The following CACNB2 variants were observed in gnomAD, a reference collection of about 807,000 sequenced individuals.
CACNB2 encodes the protein calcium voltage-gated channel auxiliary subunit beta 2.
CACNB2 carries 42 observed loss-of-function variants against 73.3 expected under a neutral mutation model. The observed-to-expected ratio is 0.57, with a 90% CI of 0.45 to 0.74. CACNB2 has a LOEUF of 0.74. CACNB2 is among the 30% of genes least tolerant of loss of function. The pLI is 0.00. For missense variants in CACNB2, 940 were observed against 853.0 expected (o/e 1.10, Z -1.27); for synonymous variants, 348 against 310.3 (o/e 1.12, Z -1.28).
At chr10:18,385,703 T>C (rs917670805) in intron 2 of CACNB2, among the ~76,000 whole-genome samples, 1 of 151,914 alleles carries the variant, frequency 6.6e-6, no homozygotes, top group African/African-American at 2.4e-5. Context: ...CTACCAATGA[T>C]AGAAAAATAC....
chr10:18,260,746 G>A lies in CACNB2; in HGVS notation c.213+109771G>A, dbSNP rs144163671. On this transcript the variant is annotated intron_variant, in intron 2 of 13. Transcript: ENST00000324631. Reference sequence around the variant, plus strand: ...TGCATTGTGAAGAAGGCAATCATAGGCGAGCAGCCGCGGGAGCAGGAACAG... The same window carrying A: ...TGCATTGTGAAGAAGGCAATCATAGACGAGCAGCCGCGGGAGCAGGAACAG... 4 of 1,000,728 alleles carry A rather than the reference G, an allele frequency of 4.0e-6. No individual in the cohort carries two copies. In the East Asian group the frequency reaches 4.0e-4, roughly 101 times the overall value. The allele number at this position is 1,000,728 out of a possible 1,614,324, so 62.0% of individuals were successfully genotyped here.
intron 6 of CACNB2, among the ~76,000 whole-genome samples, chr10:18,512,764 G>A (rs1395216066): frequency 2.0e-5 from 3 of 152,166 alleles, no homozygotes; most frequent in Non-Finnish European, 4.4e-5. Context: ...TCTGCATCCT[G>A]CTGGTTGTGG....
At position 18,539,728 on chromosome 10, in the gene CACNB2, T is replaced by G; in HGVS notation, c.*4T>G. 1 of 1,581,422 alleles carries G rather than the reference T, an allele frequency of 6.3e-7. No individual in the cohort carries two copies. The highest frequency in any genetic ancestry group is 8.5e-7 in the Non-Finnish European group (1 of 1,172,508). On this transcript the variant is annotated 3_prime_UTR_variant, in exon 14 of 14. Coordinates refer to ENST00000324631, the MANE Select transcript of CACNB2 (RefSeq NM_201596.3). ...GGATGTTTACATCCGCCAATGAGTT[T>G]TGCCCGTTTGTGTTTTTTTTTTTTT...
At position 18,539,879 on chromosome 10, in the gene CACNB2, G is replaced by T. The variant is rs111608428; in HGVS notation, c.*155G>T. ...GCTGTTGCTTGAATAGCAATAGCAT[G>T]GATAGAGTATTGAGATACTTTTTCT... On this transcript the variant is annotated 3_prime_UTR_variant, in exon 14 of 14. Transcript: ENST00000324631. The T allele has an allele frequency of 2.5e-5, 20 of 806,386 alleles. 1 individual carries two copies. Among genetic ancestry groups the T allele is most frequent in the African/African-American group, 1.4e-4 (8 of 58,148 alleles). 50.0% of individuals were successfully genotyped at this position (806,386 alleles called of 1,614,324 possible).
intron 2 of CACNB2, among the ~76,000 whole-genome samples, chr10:18,244,353 A>G (rs2036779874): frequency 6.6e-6 from 1 of 152,248 alleles, no homozygotes; most frequent in Non-Finnish European, 1.5e-5. Context: ...CATCATTTAA[A>G]AACTAAAATT....
At chr10:18,251,175 G>A (rs993865) in intron 2 of CACNB2, among the ~76,000 whole-genome samples, 121,593 of 152,162 alleles carry the variant, frequency 0.8, 49,039 homozygotes, top group East Asian at 0.99. Context: ...TTACAGTTCA[G>A]CAAATCTGGG....
At chr10:18,208,127 G>A (rs373104346) in intron 2 of CACNB2, among the ~76,000 whole-genome samples, 8 of 152,120 alleles carry the variant, frequency 5.3e-5, no homozygotes, top group African/African-American at 1.9e-4. Flanking sequence ...ACAGGTAAAT[G>A]AGCCCATGGA....
chr10:18,479,436 A>G (rs1247617952), intron 3 of CACNB2, among the ~76,000 whole-genome samples: 1 of 152,126 alleles, frequency 6.6e-6, no homozygotes, highest in Non-Finnish European at 1.5e-5. Flanking sequence ...ACTTAAGAGA[A>G]CTTCTGGGAT....
intron 2 of CACNB2, among the ~76,000 whole-genome samples, chr10:18,183,943 C>T (rs570990378): frequency 3.9e-5 from 6 of 152,218 alleles, no homozygotes; most frequent in Non-Finnish European, 5.9e-5. Context: ...TCTAGAGCTC[C>T]GTTGCTCCTC....
intron 2 of CACNB2, among the ~76,000 whole-genome samples, chr10:18,175,786 T>C (rs2033552889): frequency 6.6e-6 from 1 of 152,180 alleles, no homozygotes; most frequent in South Asian, 2.1e-4. Flanking sequence ...TTCGTAGAGA[T>C]GGGGTTTCAC....
rs374326900 is a variant in CACNB2 at position 18,412,463 on chromosome 10, C to T, written c.333+10420C>T. ...CCTTATCACCCCAGGCTTTATTCTC[C>T]TGCTTCAATTTCTTCCCTACTTACT... On this transcript the variant is annotated intron_variant, in intron 3 of 13. Transcript: ENST00000324631. Among the ~76,000 whole-genome samples the T allele has an allele frequency of 3.3e-5, 5 of 152,240 alleles. 1 individual carries two copies. In the East Asian group the frequency reaches 7.7e-4, roughly 24 times the overall value.
chr10:18,526,838 C>A (rs1306924079), intron 9 of CACNB2, among the ~76,000 whole-genome samples: 1 of 152,100 alleles, frequency 6.6e-6, no homozygotes, highest in Non-Finnish European at 1.5e-5. Context: ...ATGCCTATCA[C>A]AGCAATGAAC....
chr10:18,462,529 A>G (rs148539718), intron 3 of CACNB2, among the ~76,000 whole-genome samples: 28 of 152,138 alleles, frequency 1.8e-4, no homozygotes, highest in African/African-American at 6.7e-4. Context: ...TGTTGGGATT[A>G]TGGGCATGAA....
chr10:18,146,933 T>G (rs753414633), intron 1 of CACNB2, among the ~76,000 whole-genome samples: 14 of 152,130 alleles, frequency 9.2e-5, no homozygotes, highest in Non-Finnish European at 1.5e-4. Flanking sequence ...TAATTTTAAG[T>G]GTCAGTATTT....
At chr10:18,367,418 T>G (rs184689114) in intron 2 of CACNB2, among the ~76,000 whole-genome samples, 2 of 152,222 alleles carry the variant, frequency 1.3e-5, no homozygotes, top group African/African-American at 2.4e-5. Flanking sequence ...ATAGACAGTT[T>G]ACATTCTTTT....
At chr10:18,356,032 A>T (rs779293397) in intron 2 of CACNB2, among the ~76,000 whole-genome samples, 17 of 152,110 alleles carry the variant, frequency 1.1e-4, no homozygotes, top group Non-Finnish European at 2.1e-4. Context: ...TTCTGTAAGG[A>T]TTGCTCCACG....
At chr10:18,456,530 G>A (rs1248887713) in intron 3 of CACNB2, among the ~76,000 whole-genome samples, 1 of 152,104 alleles carries the variant, frequency 6.6e-6, no homozygotes, top group Non-Finnish European at 1.5e-5. Context: ...AAGATATAGT[G>A]CTAAACCATT....
intron 3 of CACNB2, among the ~76,000 whole-genome samples, chr10:18,407,790 T>C (rs1481294351): frequency 1.3e-5 from 2 of 152,176 alleles, no homozygotes; most frequent in African/African-American, 2.4e-5. Context: ...AATGTCTAAT[T>C]TCCAAGAGCA....
intron 3 of CACNB2, among the ~76,000 whole-genome samples, chr10:18,469,648 T>C (rs1266125430): frequency 6.6e-6 from 1 of 152,184 alleles, no homozygotes; most frequent in Non-Finnish European, 1.5e-5. Flanking sequence ...ACCTCTTAAT[T>C]TTACATTTGT....
Sources: gnomAD v4.1 joint callset for allele counts (sites outside exome capture counted in the v4.1 genomes callset) on GRCh38, gnomAD v4.1.1 for gene constraint, MANE v1.5 for transcripts, NCBI Gene and HGNC (gene_info 2026-07-23, HGNC 2026-07-21) for gene names.